The following NAV2 variants were observed in gnomAD, a reference collection of about 807,000 sequenced individuals.
NAV2 encodes helicase, APC down-regulated 1.
A neutral mutation model predicts 223.2 loss-of-function variants in NAV2; 54 were observed. That is an observed-to-expected ratio of 0.24 (90% CI 0.19 to 0.30). The LOEUF (loss-of-function observed/expected upper bound fraction) is 0.30, where lower values mean the gene tolerates loss of function less well. Among genes scored for constraint, NAV2 ranks in the 10% least tolerant of loss-of-function variants. The pLI is 1.00. For missense variants in NAV2, 2,806 were observed against 3,147.5 expected (o/e 0.89, Z 2.60); for synonymous variants, 1,279 against 1,239.3 (o/e 1.03, Z -0.67).
At chr11:19,838,658 C>T (rs1209258174) in intron 2 of NAV2, among the ~76,000 whole-genome samples, 1 of 152,234 alleles carries the variant, frequency 6.6e-6, no homozygotes, top group Non-Finnish European at 1.5e-5. Context: ...GGGTCTCACT[C>T]TGTCACCCAG....
intron 1 of NAV2, among the ~76,000 whole-genome samples, chr11:19,679,430 C>CAAAAAAGAAAAAAAA (rs2048816244): frequency 8.8e-6 from 1 of 114,122 alleles, no homozygotes; most frequent in African/African-American, 2.8e-5. Flanking sequence ...GACTCTGTCT[C>CAAAAAAGAAAAAAAA]AAAAAAACAC....
chr11:19,505,677 A>G (rs1454707322), intron 1 of NAV2: 1 of 152,226 alleles, frequency 6.6e-6, no homozygotes, highest in African/African-American at 2.4e-5. Flanking sequence ...GTAGAGAACC[A>G]CAAATCACAT....
intron 6 of NAV2, among the ~76,000 whole-genome samples, chr11:19,895,034 T>C (rs2041837830): frequency 6.6e-6 from 1 of 152,012 alleles, no homozygotes; most frequent in Non-Finnish European, 1.5e-5. Context: ...CCGGCTATCA[T>C]ACTTATTTAT....
In NAV2 at chr11:19,948,836, G is replaced by C. The variant is rs557237731; in HGVS notation, c.2401G>C (p.Gly801Arg). ...CCAAGCAGGAGACGCCCCCTCAATG[G>C]GCAATGGGTATCCCCCTCGAGCCAA... ...RLQAGDAPSM[G>R]NGYPPRANAS... Residue 801 changes from glycine (G) to arginine (R), a missense_variant, in exon 10 of 38, where the codon GGC becomes CGC. This residue lies in a region of NAV2 where 1,167 missense variants were observed against 1,180.5 expected (regional missense o/e 0.99). Transcript: ENST00000349880. 3.1e-6 allele frequency: 5 copies of C among 1,614,022 alleles called. No individual in the cohort carries two copies. The South Asian group carries it at 4.4e-5, about 14-fold the overall frequency.
intron 1 of NAV2, among the ~76,000 whole-genome samples, chr11:19,558,897 G>A (rs889924699): frequency 6.6e-6 from 1 of 152,158 alleles, no homozygotes; most frequent in Non-Finnish European, 1.5e-5. Flanking sequence ...TTATGTTATT[G>A]CTGTCAAGTG....
At chr11:20,106,122 A>T (rs1437082378) in intron 35 of NAV2, among the ~76,000 whole-genome samples, 1 of 129,466 alleles carries the variant, frequency 7.7e-6, no homozygotes, top group East Asian at 2.3e-4. Context: ...ATTTGAGCTT[A>T]GTTTTTCTGT....
intron 1 of NAV2, among the ~76,000 whole-genome samples, chr11:19,703,600 AGCTGGACTG>A (rs2049575525): frequency 6.6e-6 from 1 of 152,234 alleles, no homozygotes; most frequent in Admixed American, 6.5e-5. Flanking sequence ...CTGCATGGGC[AGCTGGACTG>A]GCTGAGTGTT....
rs371204586 is a variant in NAV2, at chr11:20,045,045, G to A, written c.3277G>A (p.Asp1093Asn). 7 of 1,614,034 alleles carry A rather than the reference G, an allele frequency of 4.3e-6. No homozygotes were observed. The African/African-American group carries it at 9.3e-5, about 22-fold the overall frequency. ...KASQVKRSPS[D>N]AGRSSGDESK... ...CTCCCAGGTGAAGCGCTCCCCATCA[G>A]ATGCAGGCCGGAGCAGTGGTGACGA... Residue 1093 changes from aspartate to asparagine, a missense_variant, in exon 14 of 38, where the codon GAT becomes AAT. Asp to Asn is a conservative substitution (Grantham distance 23). Coordinates refer to ENST00000349880, the MANE Select transcript of NAV2 (RefSeq NM_145117.5).
At chr11:19,843,518 G>C (rs1255917970) in intron 3 of NAV2, among the ~76,000 whole-genome samples, 1 of 152,028 alleles carries the variant, frequency 6.6e-6, no homozygotes, top group Non-Finnish European at 1.5e-5. Flanking sequence ...TTAAAAATCT[G>C]TTCTTTTTCT....
intron 1 of NAV2, among the ~76,000 whole-genome samples, chr11:19,636,841 G>A (rs2047516571): frequency 6.6e-6 from 1 of 152,170 alleles, no homozygotes; most frequent in Non-Finnish European, 1.5e-5. Flanking sequence ...ACACCTTTCA[G>A]GTTGATATAC....
intron 19 of NAV2, among the ~76,000 whole-genome samples, chr11:20,058,094 A>G (rs1320900281): frequency 2.0e-5 from 3 of 152,226 alleles, no homozygotes; most frequent in Non-Finnish European, 4.4e-5. Flanking sequence ...AATAAAATAG[A>G]GTTTGTGTAA....
chr11:19,815,284 G>A (rs1031721474), intron 1 of NAV2, among the ~76,000 whole-genome samples: 2 of 152,150 alleles, frequency 1.3e-5, no homozygotes, highest in East Asian at 1.9e-4. Context: ...CTGGGATATT[G>A]GACATGTGTG....
intron 1 of NAV2, among the ~76,000 whole-genome samples, chr11:19,452,926 T>G (rs1239545269): frequency 6.6e-6 from 1 of 152,196 alleles, no homozygotes; most frequent in African/African-American, 2.4e-5. Context: ...TGTAAAAGCT[T>G]TTTACATGTA....
intron 1 of NAV2, among the ~76,000 whole-genome samples, chr11:19,498,684 C>A (rs773582660): frequency 2.0e-5 from 3 of 152,218 alleles, no homozygotes; most frequent in African/African-American, 4.8e-5. Context: ...GCCTGCCCAT[C>A]GATCCATCTG....
intron 1 of NAV2, among the ~76,000 whole-genome samples, chr11:19,807,117 G>A (rs572851535): frequency 5.9e-5 from 9 of 152,318 alleles, no homozygotes; most frequent in South Asian, 4.1e-4. Context: ...GACAAAGCCC[G>A]TGGAGTTTTC....
chr11:19,890,078 G>A (rs1040028342), intron 5 of NAV2, among the ~76,000 whole-genome samples: 2 of 152,240 alleles, frequency 1.3e-5, no homozygotes, highest in South Asian at 2.1e-4. Context: ...ACTAACATAC[G>A]GTGGCTGGAC....
At chr11:19,364,667 G>A (rs1475721919) in intron 1 of NAV2, among the ~76,000 whole-genome samples, 2 of 152,170 alleles carry the variant, frequency 1.3e-5, no homozygotes, top group Non-Finnish European at 2.9e-5. Flanking sequence ...TTGGAGCACA[G>A]GACTGCAAGA....
At chr11:19,348,610 C>G (rs1411896626), upstream of NAV2, among the ~76,000 whole-genome samples, 1 of 152,190 alleles carries the variant, frequency 6.6e-6, no homozygotes, top group African/African-American at 2.4e-5. Flanking sequence ...ACAGCATGCC[C>G]TTAACAGAGA....
At chr11:19,491,981 GAGAGAA>G (rs368721939) in intron 1 of NAV2, among the ~76,000 whole-genome samples, 3 of 134,410 alleles carry the variant, frequency 2.2e-5, no homozygotes, top group Non-Finnish European at 3.2e-5. Flanking sequence ...GAGAGAGAGA[GAGAGAA>G]AGAGAGATGG....
Sources: allele counts gnomAD v4.1 joint callset (sites outside exome capture counted in the v4.1 genomes callset), GRCh38; gene constraint gnomAD v4.1.1; regional missense constraint gnomAD v4.1.1; transcripts MANE v1.5; gene names NCBI Gene and HGNC (gene_info 2026-07-23, HGNC 2026-07-21).